The following PRAMEF4 variants were observed in gnomAD, a reference collection of about 807,000 sequenced individuals.
PRAMEF4 encodes PRAME family member 4.
A neutral mutation model predicts 34.4 loss-of-function variants in PRAMEF4; 18 were observed. The ratio of observed to expected loss-of-function variants is 0.52; its 90% CI spans 0.36 to 0.78. PRAMEF4 has a LOEUF of 0.78. PRAMEF4 is among the 30% of genes least tolerant of loss of function. The pLI is 0.00. For missense variants in PRAMEF4, 482 were observed against 569.1 expected (o/e 0.85, Z 1.56); for synonymous variants, 156 against 219.3 (o/e 0.71, Z 2.55).
intron 1 of PRAMEF4, 58 bp from the exon 2 acceptor site, chr1:12,883,468 T>C: frequency 6.3e-7 from 1 of 1,593,530 alleles, no homozygotes; most frequent in South Asian, 1.1e-5. Flanking sequence ...CCATGCAATC[T>C]CATCCTCTCC....
In PRAMEF4 at chr1:12,883,205, G is replaced by A. The variant is rs532042243; in HGVS notation, c.190C>T (p.Arg64Cys). 117 of 1,599,176 alleles carry A rather than the reference G, an allele frequency of 7.3e-5. 12 individuals carry two copies. The East Asian group carries it at 2.2e-3, about 31-fold the overall frequency. ...ATCAGAGGCCTCAGAGGGAGGCGGC[G>A]GAAGGGCCAGGACTGCACCATCAGC... ...LKLMVQSWPF[R>C]RLPLRPLIKM... The change falls in exon 2 of 4, where the codon CGC becomes TGC. Residue 64 changes from arginine to cysteine, a missense_variant. This residue lies in a region of PRAMEF4 where 172 missense variants were observed against 130.2 expected (regional missense o/e 1.32). Coordinates refer to ENST00000235349, the MANE Select transcript of PRAMEF4 (RefSeq NM_001009611.4).
chr1:12,886,049 G>A (rs1432719025), intron 1 of PRAMEF4, 98 bp downstream of exon 1: 1 of 117,750 alleles, frequency 8.5e-6, no homozygotes. Flanking sequence ...AAAAAGGACA[G>A]GATATAGCTC....
At position 12,883,049 on chromosome 1, in the gene PRAMEF4, T is replaced by C. The variant is rs1222440154; in HGVS notation, c.293+53A>G. 46 of 1,588,702 alleles carry C rather than the reference T, an allele frequency of 2.9e-5. 2 individuals are homozygous for C. The highest frequency in any genetic ancestry group is 3.8e-5 in the Non-Finnish European group (44 of 1,166,670). On this transcript the variant is annotated intron_variant, in intron 2 of 3. Transcript: ENST00000235349. ...TCCTCACTTCTCACGACCCAGCTGT[T>C]CCTTCAGTTGGACACCTGGGCCCTC...
rs1426485429 is a variant in PRAMEF4 at position 12,883,131 on chromosome 1, A to G, written c.264T>C (p.Asp88=). ...EAFQAVLDGL[D]ALLNLGVRPR... ...GACGAACCCCTAGGTTAAGCAGTGC[A>G]TCCAGCCCATCGAGCACAGCTTGGA... Residue 88 remains aspartate, a synonymous_variant, in exon 2 of 4, where the codon GAT becomes GAC. Transcript: ENST00000235349. 1 of 1,601,520 alleles carries G rather than the reference A, an allele frequency of 6.2e-7. No individual in the cohort carries two copies. The highest frequency in any genetic ancestry group is 8.5e-7 in the Non-Finnish European group (1 of 1,174,350).
At chr1:12,885,583 C>T (rs1209558238) in intron 1 of PRAMEF4, among the ~76,000 whole-genome samples, 2 of 147,238 alleles carry the variant, frequency 1.4e-5, no homozygotes, top group South Asian at 4.3e-4. Flanking sequence ...GTGTTCGAGA[C>T]CAACCTGGCC....
intron 3 of PRAMEF4, among the ~76,000 whole-genome samples, chr1:12,880,945 G>C (rs12027811): frequency 1.4e-5 from 2 of 147,198 alleles, no homozygotes; most frequent in Admixed American, 1.4e-4. Flanking sequence ...CAGGGAATTA[G>C]AGATGGGATC....
rs1640926109 is a variant in PRAMEF4 at position 12,883,164 on chromosome 1, C to T, written c.231G>A (p.Leu77=). The change falls in exon 2 of 4, where the codon CTG becomes CTA. Residue 77 remains leucine (L), a synonymous_variant. Transcript: ENST00000235349. ...PLRPLIKMPC[L]EAFQAVLDGL... is the part of the protein sequence containing the mutation. The stretch of plus-strand genomic sequence containing the variant: ...CATCGAGCACAGCTTGGAAGGCCTC[C>T]AGACAAGGCATCTTTATCAGAGGCC... The T allele has an allele frequency of 6.2e-7, 1 of 1,601,404 alleles. No individual in the cohort carries two copies.
Position 12,880,075 on chromosome 1 carries a change from T to G in PRAMEF4, c.906A>C (p.Thr302=). The change falls in exon 4 of 4, where the codon ACA becomes ACC. Residue 302 remains threonine, a synonymous_variant. Coordinates refer to ENST00000235349, the MANE Select transcript of PRAMEF4 (RefSeq NM_001009611.4). ...SCLKTSLKFL[T]ITNCVLLESD... ...ATTCCAAAAGCACACAGTTAGTTATTGTGAGGAACTTTAACGAGGTCTTCA... is the reference window on the plus strand; with the variant it reads ...ATTCCAAAAGCACACAGTTAGTTATGGTGAGGAACTTTAACGAGGTCTTCA... 1 of 1,527,232 alleles carries G rather than the reference T, an allele frequency of 6.5e-7. No individual in the cohort carries two copies. The highest frequency in any genetic ancestry group is 9.0e-7 in the Non-Finnish European group (1 of 1,113,660). The allele number at this position is 1,527,232 out of a possible 1,614,324, so 94.6% of individuals were successfully genotyped here. A position where few individuals can be genotyped will look rare whatever the true frequency, so the allele number is the denominator to read the frequency against.
rs1260333928 is a variant in PRAMEF4, at chr1:12,879,982, G to T, written c.999C>A (p.Ile333=). ...SQLKTLDLSG[I]RLTNYSLVPL... ...GCACAAGACTGTAATTGGTCAGTCT[G>T]ATGCCACTCAGGTCCAGGGTCTTTA... The change falls in exon 4 of 4, where the codon ATC becomes ATA. Residue 333 remains isoleucine, a synonymous_variant. Transcript: ENST00000235349. 6.2e-7 allele frequency: 1 copy of T among 1,606,638 alleles called. No homozygotes were observed. The highest frequency in any genetic ancestry group is 1.4e-5 in the African/African-American group (1 of 73,496).
At chr1:12,885,265 G>A (rs1640978968) in intron 1 of PRAMEF4, among the ~76,000 whole-genome samples, 1 of 149,748 alleles carries the variant, frequency 6.7e-6, no homozygotes, top group African/African-American at 2.5e-5. Context: ...ACATAGCTGG[G>A]ACTACAGGCA....
intron 3 of PRAMEF4, among the ~76,000 whole-genome samples, chr1:12,881,602 A>T (rs1569879167): frequency 7.2e-6 from 1 of 139,258 alleles, no homozygotes; most frequent in African/African-American, 2.8e-5. Flanking sequence ...CTAGATCTGA[A>T]CCCCCCAGTA....
rs377572274 is a variant in PRAMEF4, at chr1:12,883,129, G to C, written c.266C>G (p.Ala89Gly). 3.1e-6 allele frequency: 5 copies of C among 1,601,630 alleles called. No homozygotes were observed. In the South Asian group the frequency reaches 5.5e-5, roughly 18 times the overall value. Residue 89 changes from alanine to glycine, a missense_variant, in exon 2 of 4, where the codon GCA becomes GGA. Around this residue, in one of 6 missense-constraint regions of PRAMEF4, gnomAD observed 172 missense variants for 130.2 expected, o/e 1.32. Coordinates refer to ENST00000235349, the MANE Select transcript of PRAMEF4 (RefSeq NM_001009611.4). ...AFQAVLDGLD[A>G]LLNLGVRPRR... Reference sequence around the variant, plus strand: ...GGGACGAACCCCTAGGTTAAGCAGTGCATCCAGCCCATCGAGCACAGCTTG... The same window carrying C: ...GGGACGAACCCCTAGGTTAAGCAGTCCATCCAGCCCATCGAGCACAGCTTG...
At chr1:12,881,118 C>G (rs1640880056) in intron 3 of PRAMEF4, among the ~76,000 whole-genome samples, 1 of 148,272 alleles carries the variant, frequency 6.7e-6, no homozygotes, top group African/African-American at 2.5e-5. Flanking sequence ...ATAATCCCAG[C>G]ACTTTGGGAG....
intron 3 of PRAMEF4, among the ~76,000 whole-genome samples, chr1:12,881,402 G>A (rs372743610): frequency 9.0e-4 from 131 of 145,430 alleles, no homozygotes; most frequent in East Asian, 5.4e-3. Flanking sequence ...TTTTACTTTT[G>A]TTTATTCATT....
intron 3 of PRAMEF4, among the ~76,000 whole-genome samples, chr1:12,880,569 C>T (rs200295914): frequency 6.8e-6 from 1 of 147,086 alleles, no homozygotes; most frequent in Non-Finnish European, 1.5e-5. Flanking sequence ...GAGAGAGACT[C>T]TGTATTAAAA....
At chr1:12,882,536 C>T in intron 2 of PRAMEF4, 101 bp from the exon 3 acceptor site, 4 of 1,495,578 alleles carry the variant, frequency 2.7e-6, no homozygotes, top group Non-Finnish European at 2.7e-6. Flanking sequence ...CTTCTTGTCC[C>T]TCTCTCTGAC....
In PRAMEF4 at chr1:12,882,207, C is replaced by T; in HGVS notation, c.522G>A (p.Lys174=). The change falls in exon 3 of 4, where the codon AAG becomes AAA. Residue 174 remains lysine, a synonymous_variant. Coordinates refer to ENST00000235349, the MANE Select transcript of PRAMEF4 (RefSeq NM_001009611.4). ...EYLTCLLLWV[K]QRKDLLHLCC... The stretch of plus-strand genomic sequence containing the variant: ...ACAGGTGTAGTAAATCTTTCCTCTG[C>T]TTGACCCATAGAAGGAGGCAGGTGA... The T allele has an allele frequency of 6.3e-7, 1 of 1,586,664 alleles. No homozygotes were observed. The highest frequency in any genetic ancestry group is 8.6e-7 in the Non-Finnish European group (1 of 1,167,820).
Position 12,882,075 on chromosome 1 carries a change from C to A in PRAMEF4, c.654G>T (p.Trp218Cys). Residue 218 changes from tryptophan (W) to cysteine (C), a missense_variant, in exon 3 of 4, where the codon TGG becomes TGT. By Grantham distance (215) the Trp-to-Cys change is radical. Transcript: ENST00000235349. ...CIQEVEVNCK[W>C]VLPILTQFTP... ...TAAACTGTGTCAGGATGGGCAGTACCCACTTGCAATTCACTTCCACCTCCT... is the reference window on the plus strand; with the variant it reads ...TAAACTGTGTCAGGATGGGCAGTACACACTTGCAATTCACTTCCACCTCCT... The A allele has an allele frequency of 6.3e-7, 1 of 1,588,656 alleles. No homozygotes were observed. Among genetic ancestry groups the A allele is most frequent in the Non-Finnish European group, 8.5e-7 (1 of 1,173,204 alleles).
At chr1:12,880,280 T>G (rs1390277854) in intron 3 of PRAMEF4, among the ~76,000 whole-genome samples, 175 bp from the exon 4 acceptor site, 3 of 151,212 alleles carry the variant, frequency 2.0e-5, no homozygotes, top group Non-Finnish European at 4.4e-5. Flanking sequence ...GCCACCGAGG[T>G]CAATTCCACT....
Sources: gnomAD v4.1 joint callset for allele counts (sites outside exome capture counted in the v4.1 genomes callset) on GRCh38, gnomAD v4.1.1 for gene constraint, gnomAD v4.1.1 regional missense constraint, MANE v1.5 for transcripts, NCBI Gene and HGNC (gene_info 2026-07-23, HGNC 2026-07-21) for gene names.